The following CNTN6 variants were observed in gnomAD, a reference collection of about 807,000 sequenced individuals.
CNTN6 encodes the protein contactin 6.
CNTN6 carries 137 observed loss-of-function variants against 122.8 expected under a neutral mutation model. The ratio of observed to expected loss-of-function variants is 1.12; its 90% confidence interval spans 0.97 to 1.29. The LOEUF (loss-of-function observed/expected upper bound fraction) is 1.29, where lower values mean the gene tolerates loss of function less well. Among genes scored for constraint, CNTN6 ranks in the 50% most tolerant of loss-of-function variants. CNTN6 has a pLI of 0.00. For synonymous variants in CNTN6, 570 were observed against 426.0 expected, an observed-to-expected ratio of 1.34 and a Z score of -4.16; for missense variants, 1,634 against 1,223.4, an observed-to-expected ratio of 1.34 and a Z score of -5.01.
At chr3:1,158,778 G>GTA (rs2093036703) in intron 2 of CNTN6, among the ~76,000 whole-genome samples, 2 of 51,220 alleles carry the variant, frequency 3.9e-5, no homozygotes, top group South Asian at 5.2e-4. Flanking sequence ...ACATATATAT[G>GTA]TGTGTATATA....
rs760844152 is a variant in CNTN6 at position 1,403,380 on chromosome 3, G to A, written c.3049G>A (p.Val1017Met). 3 of 1,611,326 alleles carry A rather than the reference G, an allele frequency of 1.9e-6. No homozygotes were observed. The highest frequency in any genetic ancestry group is 4.5e-5 in the East Asian group (2 of 44,736). Reference sequence around the variant, plus strand: ...CACCCATTTTCTTTCCATTGTCATTGTGATTTTTCACTGTTTTGCTATTCA... The same window carrying A: ...CACCCATTTTCTTTCCATTGTCATTATGATTTTTCACTGTTTTGCTATTCA... Reference protein sequence around the residue: ...PSTHFLSIVIVIFHCFAIQPL... With the variant: ...PSTHFLSIVIMIFHCFAIQPL... Residue 1017 changes from valine to methionine, a missense_variant, in exon 23 of 23, where the codon GTG becomes ATG. By Grantham distance (21) the Val-to-Met change is conservative. Coordinates refer to ENST00000446702, the MANE Select transcript of CNTN6 (RefSeq NM_001289080.2).
chr3:1,239,929 C>T (rs1694420779), intron 4 of CNTN6, among the ~76,000 whole-genome samples: 1 of 152,062 alleles, frequency 6.6e-6, no homozygotes, highest in Non-Finnish European at 1.5e-5. Flanking sequence ...GTGGAAAGGA[C>T]ATCCTATTCA....
intron 8 of CNTN6, among the ~76,000 whole-genome samples, chr3:1,325,497 A>C (rs1701404495): frequency 6.6e-6 from 1 of 151,852 alleles, no homozygotes; most frequent in African/African-American, 2.4e-5. Context: ...CCTATGTTCT[A>C]ATATTTAGCA....
At chr3:1,098,635 T>C (rs2090664747) in intron 1 of CNTN6, among the ~76,000 whole-genome samples, 1 of 151,326 alleles carries the variant, frequency 6.6e-6, no homozygotes, top group Non-Finnish European at 1.5e-5. Flanking sequence ...GCAGAATCTA[T>C]AAACTCAACA....
chr3:1,267,246 T>TC (rs1178680747), intron 4 of CNTN6, among the ~76,000 whole-genome samples: 1 of 152,056 alleles, frequency 6.6e-6, no homozygotes, highest in Non-Finnish European at 1.5e-5. Flanking sequence ...TCACTTTTTT[T>TC]CCCTCTCCCA....
intron 6 of CNTN6, 118 bp from the exon 7 acceptor site, chr3:1,297,771 A>C (rs1487677662): frequency 2.5e-6 from 2 of 809,540 alleles, no homozygotes; most frequent in Admixed American, 5.0e-5. Context: ...TCCAATTCTT[A>C]ACTGAAAACC....
At chr3:1,094,671 A>T (rs563810535) in intron 1 of CNTN6, among the ~76,000 whole-genome samples, 1 of 152,026 alleles carries the variant, frequency 6.6e-6, no homozygotes, top group Non-Finnish European at 1.5e-5. Context: ...AAAGGATCAC[A>T]TATTTTCTCT....
intron 5 of CNTN6, among the ~76,000 whole-genome samples, chr3:1,281,587 C>T (rs1221614726): frequency 2.6e-5 from 4 of 151,830 alleles, no homozygotes; most frequent in Admixed American, 1.3e-4. Flanking sequence ...GCCTCAGCTT[C>T]CCGAGTAGCT....
At chr3:1,289,339 A>G (rs1017796030) in intron 5 of CNTN6, among the ~76,000 whole-genome samples, 1 of 152,180 alleles carries the variant, frequency 6.6e-6, no homozygotes, top group African/African-American at 2.4e-5. Context: ...GAGAAATACT[A>G]TGACAGCAAA....
intron 4 of CNTN6, among the ~76,000 whole-genome samples, chr3:1,277,792 A>G (rs7646404): frequency 0.85 from 129,890 of 152,276 alleles, 55,595 homozygotes; most frequent in East Asian, 0.97. Context: ...AAAGATTTAT[A>G]CCTCAGATGG....
At chr3:1,161,968 A>C (rs1322145290) in intron 2 of CNTN6, among the ~76,000 whole-genome samples, 1 of 152,154 alleles carries the variant, frequency 6.6e-6, no homozygotes, top group African/African-American at 2.4e-5. Context: ...GAACAAAGAT[A>C]ACATATTTGG....
At chr3:1,342,087 CA>C (rs11397128) in intron 11 of CNTN6, among the ~76,000 whole-genome samples, 3 of 151,284 alleles carry the variant, frequency 2.0e-5, no homozygotes, top group Non-Finnish European at 3.0e-5. Flanking sequence ...GAAGAGTTGC[CA>C]AAAAAAAGTA....
intron 20 of CNTN6, among the ~76,000 whole-genome samples, chr3:1,393,544 A>C (rs1001898495): frequency 2.3e-5 from 3 of 127,688 alleles, no homozygotes; most frequent in Non-Finnish European, 5.0e-5. Context: ...GTACCCTAAA[A>C]CTTAAAGAAG....
intron 5 of CNTN6, among the ~76,000 whole-genome samples, chr3:1,281,582 A>C (rs1294465449): frequency 1.3e-5 from 2 of 150,972 alleles, no homozygotes; most frequent in Admixed American, 6.6e-5. Flanking sequence ...CTCCTGCCTC[A>C]GCTTCCCGAG....
At chr3:1,267,179 T>A (rs934961613) in intron 4 of CNTN6, among the ~76,000 whole-genome samples, 2 of 151,960 alleles carry the variant, frequency 1.3e-5, no homozygotes, top group Non-Finnish European at 2.9e-5. Flanking sequence ...GCAGACTCTG[T>A]TTGCTTGCTC....
At chr3:1,152,306 T>G (rs1225250104) in intron 2 of CNTN6, among the ~76,000 whole-genome samples, 1 of 151,938 alleles carries the variant, frequency 6.6e-6, no homozygotes, top group Non-Finnish European at 1.5e-5. Flanking sequence ...GCTGGGCTAA[T>G]TTTTTGTATT....
intron 12 of CNTN6, among the ~76,000 whole-genome samples, chr3:1,360,446 T>C (rs989759968): frequency 6.6e-6 from 1 of 152,080 alleles, no homozygotes; most frequent in Non-Finnish European, 1.5e-5. Flanking sequence ...AATATTTTAT[T>C]CCATTCCTTC....
intron 3 of CNTN6, among the ~76,000 whole-genome samples, chr3:1,226,398 T>A (rs1261755092): frequency 6.6e-6 from 1 of 152,114 alleles, no homozygotes; most frequent in African/African-American, 2.4e-5. Context: ...CCTCAAAATA[T>A]GGCACCTTGG....
intron 3 of CNTN6, among the ~76,000 whole-genome samples, chr3:1,222,916 T>G (rs1379487186): frequency 6.6e-6 from 1 of 152,080 alleles, no homozygotes; most frequent in East Asian, 1.9e-4. Flanking sequence ...CAAGAAACTA[T>G]GGAAAGAGAG....
Sources: gnomAD v4.1 joint callset for allele counts (sites outside exome capture counted in the v4.1 genomes callset) on GRCh38, gnomAD v4.1.1 for gene constraint, MANE v1.5 for transcripts, NCBI Gene and HGNC (gene_info 2026-07-23, HGNC 2026-07-21) for gene names.